RTN3: variants seen among roughly 807,000 people sequenced by gnomAD.
RTN3 encodes reticulon 3.
In RTN3, 49 loss-of-function variants were observed where a neutral mutation model predicts 77.8. The ratio of observed to expected loss-of-function variants is 0.63; its 90% CI spans 0.50 to 0.80. The LOEUF (loss-of-function observed/expected upper bound fraction) is 0.80, where lower values mean the gene tolerates loss of function less well. Among genes scored for constraint, RTN3 ranks in the 30% least tolerant of loss-of-function variants. The pLI is 0.00. For synonymous variants in RTN3, 464 were observed against 446.9 expected (o/e 1.04, Z -0.48); for missense variants, 1,236 against 1,211.9 (o/e 1.02, Z -0.29).
At chr11:63,745,870 G>A (rs1344241263) in intron 3 of RTN3, among the ~76,000 whole-genome samples, 1 of 152,208 alleles carries the variant, frequency 6.6e-6, no homozygotes, top group African/African-American at 2.4e-5. Flanking sequence ...GAATGCAAAG[G>A]TGCGATCTCG....
At position 63,712,648 on chromosome 11, in the gene RTN3, G is replaced by A. The variant is rs955599173; in HGVS notation, c.200-6054G>A. ...TTATAGGCATGCGCCACCACACTCG[G>A]CTAATTTTTTTGTATTTTTAGTAGA... is the stretch of plus-strand genomic sequence containing the variant. On this transcript the variant is annotated intron_variant, in intron 2 of 8. Transcript: ENST00000377819. Among the ~76,000 whole-genome samples the A allele has an allele frequency of 3.9e-5, 6 of 152,072 alleles. No homozygotes were observed. The East Asian group carries it at 5.9e-4, about 15-fold the overall frequency.
In RTN3 at chr11:63,735,179, A is replaced by C. The variant is rs373792971; in HGVS notation, c.2530+14147A>C. Among the ~76,000 whole-genome samples, 29 of 152,274 alleles carry C rather than the reference A, an allele frequency of 1.9e-4. No homozygotes were observed. The Middle Eastern group carries it at 0.024, about 125-fold the overall frequency. On this transcript the variant is annotated intron_variant, in intron 3 of 8. Coordinates refer to ENST00000377819, the MANE Select transcript of RTN3 (RefSeq NM_001265589.2). Reference sequence around the variant, plus strand: ...TAATTTTTGTAATTGTAGTAGAGACAGGGTTTCATCTTGTTGCCCAGGCTG... The same window carrying C: ...TAATTTTTGTAATTGTAGTAGAGACCGGGTTTCATCTTGTTGCCCAGGCTG...
At chr11:63,685,914 T>C (rs922643060) in intron 1 of RTN3, among the ~76,000 whole-genome samples, 1 of 152,202 alleles carries the variant, frequency 6.6e-6, no homozygotes, top group African/African-American at 2.4e-5. Flanking sequence ...CTCTGTACTT[T>C]AGTGCCTTAG....
intron 1 of RTN3, among the ~76,000 whole-genome samples, chr11:63,684,309 G>A (rs912340717): frequency 4.6e-5 from 7 of 151,900 alleles, no homozygotes; most frequent in Non-Finnish European, 8.8e-5. Context: ...CACCATGCCC[G>A]GCTAATTTTT....
Position 63,718,757 on chromosome 11 carries a change from C to G in RTN3, c.255C>G (p.Ser85=), listed in dbSNP as rs751184176. 6.2e-7 allele frequency: 1 copy of G among 1,606,258 alleles called. No homozygotes were observed. Among genetic ancestry groups the G allele is most frequent in the Non-Finnish European group, 8.5e-7 (1 of 1,178,168 alleles). The change falls in exon 3 of 9, where the codon TCC becomes TCG. Residue 85 remains serine, a synonymous_variant. Coordinates refer to ENST00000377819, the MANE Select transcript of RTN3 (RefSeq NM_001265589.2). ...CATCTTCAGAAATTATGACTTCTTC[C>G]TTTCTTTCATCTTCTGAAATACATA... The part of the protein sequence containing the change: ...DEPSSEIMTS[S]FLSSSEIHNT...
At chr11:63,687,862 T>A (rs977861809) in intron 1 of RTN3, among the ~76,000 whole-genome samples, 1 of 152,188 alleles carries the variant, frequency 6.6e-6, no homozygotes, top group Admixed American at 6.5e-5. Context: ...GAGAAATCTG[T>A]CTTCCTCACA....
At position 63,712,880 on chromosome 11, in the gene RTN3, G is replaced by A. The variant is rs1017952084; in HGVS notation, c.200-5822G>A. ...AGAGGCCGAGGCAGGCGAATCACCT[G>A]AGGTTGGGAGTTCCAGACCAGCCTA... On this transcript the variant is annotated intron_variant, in intron 2 of 8. Coordinates refer to ENST00000377819, the MANE Select transcript of RTN3 (RefSeq NM_001265589.2). Among the ~76,000 whole-genome samples, 5 of 152,298 alleles carry A rather than the reference G, an allele frequency of 3.3e-5. No individual in the cohort carries two copies. In the East Asian group the frequency reaches 9.7e-4, roughly 30 times the overall value.
chr11:63,684,390 G>A (rs1941256253), intron 1 of RTN3, among the ~76,000 whole-genome samples: 1 of 151,842 alleles, frequency 6.6e-6, no homozygotes, highest in Non-Finnish European at 1.5e-5. Flanking sequence ...CTCGTGATCC[G>A]CCCACCTCGG....
intron 2 of RTN3, among the ~76,000 whole-genome samples, chr11:63,715,409 T>G (rs555863043): frequency 6.6e-6 from 1 of 152,212 alleles, no homozygotes; most frequent in East Asian, 1.9e-4. Context: ...GTAATCCTAG[T>G]ACTTTGTGAG....
At chr11:63,696,721 TTTTTAG>T (rs1443824673) in intron 1 of RTN3, among the ~76,000 whole-genome samples, 1 of 148,592 alleles carries the variant, frequency 6.7e-6, no homozygotes, top group Non-Finnish European at 1.5e-5. Context: ...AATTTTTGTA[TTTTTAG>T]TAGAGACAGG....
intron 3 of RTN3, among the ~76,000 whole-genome samples, chr11:63,739,104 A>T (rs1391941745): frequency 6.6e-6 from 1 of 152,226 alleles, no homozygotes; most frequent in Non-Finnish European, 1.5e-5. Context: ...AAAAAGAAGG[A>T]ATCAGTCGTA....
intron 7 of RTN3, among the ~76,000 whole-genome samples, chr11:63,755,430 G>T (rs763555080): frequency 1.4e-4 from 21 of 151,870 alleles, no homozygotes; most frequent in Non-Finnish European, 2.6e-4. Flanking sequence ...TGGATTGCCT[G>T]AGGATGGGAG....
At position 63,759,213 on chromosome 11, in the gene RTN3, C is replaced by G. The variant is rs552727787; in HGVS notation, c.*1012C>G. The G allele has an allele frequency of 2.0e-5, 3 of 152,082 alleles. No homozygotes were observed. The highest frequency in any genetic ancestry group is 7.2e-5 in the African/African-American group (3 of 41,394). The allele number at this position is 152,082 out of a possible 1,614,324, so 9.4% of individuals were successfully genotyped here. A position where few individuals can be genotyped will look rare whatever the true frequency, so the allele number is the denominator to read the frequency against. Reference sequence around the variant, plus strand: ...AAGCCTTTTTTTCTTGATCTTTTCCCGAGATTCAAATCTCCGATTCCCATT... The same window carrying G: ...AAGCCTTTTTTTCTTGATCTTTTCCGGAGATTCAAATCTCCGATTCCCATT... On this transcript the variant is annotated 3_prime_UTR_variant, in exon 9 of 9. Transcript: ENST00000377819.
intron 1 of RTN3, among the ~76,000 whole-genome samples, chr11:63,696,974 T>C (rs1297296687): frequency 1.9e-4 from 25 of 128,494 alleles, no homozygotes; most frequent in Non-Finnish European, 6.3e-5. Context: ...AAACTCCGCC[T>C]CCCGGGTTCA....
chr11:63,732,754 G>A (rs1179362770), intron 3 of RTN3, among the ~76,000 whole-genome samples: 2 of 151,932 alleles, frequency 1.3e-5, no homozygotes, highest in African/African-American at 2.4e-5. Context: ...AGAATTCTTC[G>A]AAGCATATAA....
chr11:63,705,002 C>T (rs1942429397), intron 2 of RTN3, 95 bp downstream of exon 2: 7 of 902,228 alleles, frequency 7.8e-6, no homozygotes, highest in Non-Finnish European at 1.3e-5. Flanking sequence ...TCTATTGCCC[C>T]AAATCCCCTA....
intron 1 of RTN3, among the ~76,000 whole-genome samples, chr11:63,687,884 T>C (rs1055902865): frequency 6.6e-6 from 1 of 152,198 alleles, no homozygotes; most frequent in African/African-American, 2.4e-5. Context: ...TCAAAGACTA[T>C]TGTTATGCCT....
At chr11:63,713,045 A>C (rs1257710978) in intron 2 of RTN3, among the ~76,000 whole-genome samples, 1 of 152,106 alleles carries the variant, frequency 6.6e-6, no homozygotes, top group Non-Finnish European at 1.5e-5. Flanking sequence ...CGGTGAGCCA[A>C]GGTCACACCA....
Position 63,683,943 on chromosome 11 carries a change from C to CTTTTTTTTTTTTTTT in RTN3, c.142+2180_142+2194dup, listed in dbSNP as rs35837590. On this transcript the variant is annotated intron_variant, in intron 1 of 8. Coordinates refer to ENST00000377819, the MANE Select transcript of RTN3 (RefSeq NM_001265589.2). ...TATTTCTTTCTCTTTTCTTTTCTTT[C>CTTTTTTTTTTTTTTT]TTTTTTTTTTTTTTTTTTTTTTTTT... is the stretch of plus-strand genomic sequence containing the variant. Among the ~76,000 whole-genome samples the CTTTTTTTTTTTTTTT allele has an allele frequency of 1.8e-3, 107 of 58,934 alleles. 3 individuals carry two copies. The highest frequency in any genetic ancestry group is 2.2e-3 in the African/African-American group (30 of 13,350). 38.7% of individuals were successfully genotyped at this position (58,934 alleles called of 152,430 possible).
Sources: gnomAD v4.1 joint callset for allele counts (sites outside exome capture counted in the v4.1 genomes callset) on GRCh38, gnomAD v4.1.1 for gene constraint, MANE v1.5 for transcripts, NCBI Gene and HGNC (gene_info 2026-07-23, HGNC 2026-07-21) for gene names.